The following ADGRG4 variants were observed in gnomAD, a reference collection of about 807,000 sequenced individuals.
The protein encoded by ADGRG4 is adhesion G protein-coupled receptor G4.
In ADGRG4, 122 loss-of-function variants were observed where a neutral mutation model predicts 126.2. That is an observed-to-expected ratio of 0.97 (90% CI 0.83 to 1.12). ADGRG4 has a LOEUF of 1.12. Ranked by LOEUF, ADGRG4 falls within the 50% of genes most tolerant of loss-of-function variation. ADGRG4 has a pLI of 0.00. For missense variants in ADGRG4, 2,481 were observed against 2,251.8 expected, an observed-to-expected ratio of 1.10 and a Z score of -2.06; for synonymous variants, 943 against 838.7, an observed-to-expected ratio of 1.12 and a Z score of -2.15.
At position 136,322,914 on chromosome X, in the gene ADGRG4, G is replaced by A; in HGVS notation, c.207G>A (p.Arg69=). Residue 69 remains arginine, a synonymous_variant, in exon 5 of 26, where the codon AGG becomes AGA. Coordinates refer to ENST00000394143, the MANE Select transcript of ADGRG4 (RefSeq NM_153834.4). ...IDLVFMDDNS[R]YWMAFSYITN... is the part of the protein sequence containing the mutation. Reference sequence around the variant, plus strand: ...TGGTATTCATGGATGACAACTCAAGGTATTGGATGGCCTTCTCTTATATTA... The same window carrying A: ...TGGTATTCATGGATGACAACTCAAGATATTGGATGGCCTTCTCTTATATTA... 1.7e-6 allele frequency: 2 copies of A among 1,211,586 alleles called. No homozygotes were observed. Among genetic ancestry groups the A allele is most frequent in the Non-Finnish European group, 2.2e-6 (2 of 895,313 alleles).
chrX:136,392,376 C>T (rs776214898), intron 17 of ADGRG4, 22 bp downstream of exon 17: 1 of 1,127,083 alleles, frequency 8.9e-7, no homozygotes, highest in East Asian at 3.1e-5. Flanking sequence ...ATTTTCAGCT[C>T]AGAATCAAAT....
At chrX:136,302,164 T>TAA (rs1280946725) in intron 1 of ADGRG4, among the ~76,000 whole-genome samples, 2 of 112,169 alleles carry the variant, frequency 1.8e-5, no homozygotes, top group African/African-American at 6.5e-5. Context: ...ATCTATAAAT[T>TAA]ACCTTGGGCA....
At chrX:136,352,318 T>G (rs777997000) in intron 7 of ADGRG4, among the ~76,000 whole-genome samples, 2 of 111,129 alleles carry the variant, frequency 1.8e-5, no homozygotes, top group Non-Finnish European at 3.8e-5. Flanking sequence ...GTATAGTTTT[T>G]TTTTTAAATC....
At chrX:136,333,581 G>A (rs1431276493) in intron 5 of ADGRG4, among the ~76,000 whole-genome samples, 1 of 111,464 alleles carries the variant, frequency 9.0e-6, no homozygotes, top group Non-Finnish European at 1.9e-5. Flanking sequence ...GCACTGGCAC[G>A]ATCTCAGCTC....
intron 12 of ADGRG4, among the ~76,000 whole-genome samples, chrX:136,361,837 C>T (rs2075130943): frequency 8.9e-6 from 1 of 112,024 alleles, no homozygotes; most frequent in Non-Finnish European, 1.9e-5. Context: ...AGAAAAAAGT[C>T]ACCCATAACC....
At chrX:136,334,136 CT>C (rs1242696581) in intron 5 of ADGRG4, among the ~76,000 whole-genome samples, 2 of 62,814 alleles carry the variant, frequency 3.2e-5, no homozygotes, top group Non-Finnish European at 6.2e-5. Context: ...TTCTTTCTTT[CT>C]TTTTCTTTTT....
intron 4 of ADGRG4, among the ~76,000 whole-genome samples, chrX:136,310,912 C>A (rs2074765716): frequency 1.8e-5 from 2 of 111,563 alleles, no homozygotes; most frequent in African/African-American, 6.5e-5. Context: ...CTGTCTTAGT[C>A]TGCTCAGGAT....
At chrX:136,382,849 A>T (rs1221042069) in intron 15 of ADGRG4, among the ~76,000 whole-genome samples, 1 of 110,026 alleles carries the variant, frequency 9.1e-6, no homozygotes, top group East Asian at 2.9e-4. Context: ...GTTTAAGGAG[A>T]TCGATGTTGT....
chrX:136,336,986 G>C (rs1048459786), intron 5 of ADGRG4, among the ~76,000 whole-genome samples: 55 of 110,771 alleles, frequency 5.0e-4, no homozygotes, highest in African/African-American at 1.7e-3. Flanking sequence ...AAGGGATCTT[G>C]TTCTGTCATC....
rs896210056 is a variant in ADGRG4 at position 136,349,981 on chromosome X, T to C, written c.6275T>C (p.Ile2092Thr). The C allele has an allele frequency of 8.3e-7, 1 of 1,209,125 alleles. No homozygotes were observed. Among genetic ancestry groups the C allele is most frequent in the African/African-American group, 1.7e-5 (1 of 57,699 alleles). Residue 2092 changes from isoleucine to threonine, a missense_variant, in exon 6 of 26, where the codon ATA becomes ACA. Transcript: ENST00000394143. ...TTCCCAACTTCTCTCCCTATGTCTA[T>C]AAATGTCACAGATGACATTGTGTAC... is the stretch of plus-strand genomic sequence containing the variant. The part of the protein sequence containing the change: ...TGFPTSLPMS[I>T]NVTDDIVYIS...
Position 136,359,418 on chromosome X carries a change from A to G in ADGRG4, c.7107A>G (p.Leu2369=). 1 of 1,208,087 alleles carries G rather than the reference A, an allele frequency of 8.3e-7. No individual in the cohort carries two copies. The highest frequency in any genetic ancestry group is 1.1e-6 in the Non-Finnish European group (1 of 893,810). ...ACTTCACACAAGATCAATTGACGTT[A>G]TTAGTAAACTGTGAACACGTTGCAG... ...HGNFTQDQLT[L]LVNCEHVAVK... is the part of the protein sequence containing the mutation. Residue 2369 remains leucine, a synonymous_variant, in exon 11 of 26, where the codon TTA becomes TTG. Coordinates refer to ENST00000394143, the MANE Select transcript of ADGRG4 (RefSeq NM_153834.4).
In ADGRG4 at chrX:136,350,301, G is replaced by C; in HGVS notation, c.6595G>C (p.Gly2199Arg). 8.3e-7 allele frequency: 1 copy of C among 1,210,601 alleles called. No homozygotes were observed. Among genetic ancestry groups the C allele is most frequent in the Non-Finnish European group, 1.1e-6 (1 of 894,618 alleles). The change falls in exon 6 of 26, where the codon GGG becomes CGG. Residue 2199 changes from glycine (G) to arginine (R), a missense_variant. By Grantham distance (125) the Gly-to-Arg change is moderately radical. Transcript: ENST00000394143. ...AGCCTCATTTCCACTCATATCCACT[G>C]GGGTGACATATCCTTTTACAGCAAC... ...PGASFPLIST[G>R]VTYPFTATVS...
intron 5 of ADGRG4, among the ~76,000 whole-genome samples, chrX:136,342,488 C>T (rs767898674): frequency 2.4e-4 from 27 of 111,257 alleles, no homozygotes; most frequent in South Asian, 1.1e-3. Flanking sequence ...CCAATTATGA[C>T]GCATTAAATG....
chrX:136,325,622 G>C (rs1420869183), intron 5 of ADGRG4, among the ~76,000 whole-genome samples: 2 of 110,727 alleles, frequency 1.8e-5, no homozygotes, highest in Non-Finnish European at 3.8e-5. Flanking sequence ...ATGGCCATGA[G>C]TTTTCCTACC....
chrX:136,303,049 A>G (rs1381372709), intron 1 of ADGRG4, among the ~76,000 whole-genome samples: 1 of 111,938 alleles, frequency 8.9e-6, no homozygotes, highest in Non-Finnish European at 1.9e-5. Context: ...AGCCTGGTGC[A>G]GTGGCTCACA....
intron 5 of ADGRG4, among the ~76,000 whole-genome samples, chrX:136,330,267 C>T (rs781272778): frequency 1.8e-5 from 2 of 111,286 alleles, no homozygotes; most frequent in South Asian, 3.8e-4. Context: ...ACCCTTTCCC[C>T]CTACGCTGCT....
At chrX:136,332,746 C>A (rs1487608193) in intron 5 of ADGRG4, among the ~76,000 whole-genome samples, 1 of 105,341 alleles carries the variant, frequency 9.5e-6, no homozygotes, top group Non-Finnish European at 2.0e-5. Flanking sequence ...TTGCATTTCT[C>A]TGATGGCCAG....
Position 136,356,184 on chromosome X carries a change from T to C in ADGRG4, c.6927+19T>C. 9.0e-7 allele frequency: 1 copy of C among 1,109,630 alleles called. No individual in the cohort carries two copies. The highest frequency in any genetic ancestry group is 1.2e-6 in the Non-Finnish European group (1 of 808,290). The allele number at this position is 1,109,630 out of a possible 1,213,427, so 91.4% of individuals were successfully genotyped here. On this transcript the variant is annotated intron_variant, in intron 9 of 25. Coordinates refer to ENST00000394143, the MANE Select transcript of ADGRG4 (RefSeq NM_153834.4). Reference sequence around the variant, plus strand: ...AGCTATTGTAAGTAATTTTTCAAAATGAATCTACTTGTGACCTATCCTATG... The same window carrying C: ...AGCTATTGTAAGTAATTTTTCAAAACGAATCTACTTGTGACCTATCCTATG...
chrX:136,321,222 T>G (rs1278371117), intron 4 of ADGRG4, among the ~76,000 whole-genome samples: 2 of 111,794 alleles, frequency 1.8e-5, no homozygotes, highest in East Asian at 5.6e-4. Flanking sequence ...GGGACAGAAG[T>G]AAGCATTTTC....
Sources: gnomAD v4.1 joint callset for allele counts (sites outside exome capture counted in the v4.1 genomes callset) on GRCh38, gnomAD v4.1.1 for gene constraint, MANE v1.5 for transcripts, NCBI Gene and HGNC (gene_info 2026-07-23, HGNC 2026-07-21) for gene names.